The following APOD variants were observed in gnomAD, a reference collection of about 807,000 sequenced individuals.
APOD encodes apolipoprotein D, also known as apo-D.
A neutral mutation model predicts 20.4 loss-of-function variants in APOD; 22 were observed. The observed-to-expected ratio is 1.08, with a 90% CI of 0.77 to 1.54. The LOEUF is 1.54. Among genes scored for constraint, APOD ranks in the 40% most tolerant of loss-of-function variants. The pLI is 0.00. For synonymous variants in APOD, 97 were observed against 92.4 expected (o/e 1.05, Z -0.29); for missense variants, 223 against 229.6 (o/e 0.97, Z 0.19).
intron 1 of APOD, among the ~76,000 whole-genome samples, chr3:195,581,986 T>A (rs1375737014): frequency 1.3e-5 from 2 of 152,128 alleles, no homozygotes; most frequent in African/African-American, 4.8e-5. Flanking sequence ...CTGACCAACA[T>A]GGAGAAACCC....
intron 4 of APOD, among the ~76,000 whole-genome samples, chr3:195,569,863 G>T (rs199855590): frequency 7.3e-6 from 1 of 137,390 alleles, no homozygotes; most frequent in South Asian, 2.4e-4. Flanking sequence ...GCAATGGCGC[G>T]ATCTCAGCTC....
At chr3:195,578,719 G>A (rs995468372) in intron 2 of APOD, among the ~76,000 whole-genome samples, 1 of 152,206 alleles carries the variant, frequency 6.6e-6, no homozygotes, top group Non-Finnish European at 1.5e-5. Flanking sequence ...TGGGTGCCCT[G>A]CACTGCTGAG....
At chr3:195,580,337 CTTCT>C (rs1720313012) in intron 1 of APOD, among the ~76,000 whole-genome samples, 1 of 146,100 alleles carries the variant, frequency 6.8e-6, no homozygotes, top group African/African-American at 2.6e-5. Flanking sequence ...TCCCAGGTTT[CTTCT>C]TTCTTTTCTT....
intron 3 of APOD, among the ~76,000 whole-genome samples, chr3:195,572,837 C>A (rs774498371): frequency 1.3e-5 from 2 of 151,932 alleles, no homozygotes; most frequent in African/African-American, 4.8e-5. Flanking sequence ...ACAGTGAAAC[C>A]CCGTCTCTAC....
At chr3:195,574,740 A>C (rs147403437) in intron 2 of APOD, among the ~76,000 whole-genome samples, 135 of 152,356 alleles carry the variant, frequency 8.9e-4, no homozygotes, top group African/African-American at 2.4e-3. Context: ...GTTTGTAATA[A>C]TACAAGATAG....
At position 195,576,950 on chromosome 3, in the gene APOD, C is replaced by T. The variant is rs562115893; in HGVS notation, c.123+2389G>A. ...CTGTAATCCTAGCACTATGGGAGGC[C>T]GAGGCGGATGGATTGCCTGAGCTCA... On this transcript the variant is annotated intron_variant, in intron 2 of 4. Transcript: ENST00000343267. 5.3e-5 allele frequency: 9 copies of T among 168,560 alleles called. No individual in the cohort carries two copies. The East Asian group carries it at 5.6e-4, about 11-fold the overall frequency. 10.4% of individuals were successfully genotyped at this position (168,560 alleles called of 1,614,324 possible).
chr3:195,576,589 C>A (rs1467514084), intron 2 of APOD, among the ~76,000 whole-genome samples: 2 of 150,566 alleles, frequency 1.3e-5, no homozygotes, highest in Non-Finnish European at 3.0e-5. Flanking sequence ...GCGGGTGGAT[C>A]ACTTGAGGTC....
At chr3:195,581,343 G>C (rs920405488) in intron 1 of APOD, among the ~76,000 whole-genome samples, 19 of 152,096 alleles carry the variant, frequency 1.2e-4, no homozygotes, top group African/African-American at 4.6e-4. Flanking sequence ...TAACCTTTTG[G>C]GGGATGATGA....
intron 3 of APOD, among the ~76,000 whole-genome samples, chr3:195,573,203 G>A (rs1340347141): frequency 6.6e-6 from 1 of 152,194 alleles, no homozygotes; most frequent in Non-Finnish European, 1.5e-5. Flanking sequence ...CATGTTCATG[G>A]AAAAACTGCA....
At chr3:195,571,689 C>T (rs1384173299) in intron 3 of APOD, among the ~76,000 whole-genome samples, 2 of 152,102 alleles carry the variant, frequency 1.3e-5, no homozygotes, top group African/African-American at 2.4e-5. Flanking sequence ...CTTCTATGGC[C>T]TGAAAGACCA....
At chr3:195,574,109 G>A (rs1280706096) in intron 2 of APOD, 138 bp from the exon 3 acceptor site, 9 of 1,191,480 alleles carry the variant, frequency 7.6e-6, no homozygotes, top group Middle Eastern at 2.0e-4. Context: ...TGGCAACTGG[G>A]CAAGAGATTG....
chr3:195,569,634 C>T (rs1720123709), intron 4 of APOD, among the ~76,000 whole-genome samples: 1 of 152,082 alleles, frequency 6.6e-6, no homozygotes, highest in Non-Finnish European at 1.5e-5. Flanking sequence ...TCACATGTCT[C>T]TCCTTATTTG....
intron 2 of APOD, chr3:195,577,112 G>A (rs1415406778): frequency 4.3e-5 from 14 of 325,818 alleles, no homozygotes; most frequent in African/African-American, 1.1e-4. Context: ...GCTTGAACCC[G>A]GGAGGCGGAG....
intron 2 of APOD, among the ~76,000 whole-genome samples, chr3:195,577,602 TCAA>T (rs1230714831): frequency 1.3e-5 from 2 of 152,222 alleles, no homozygotes; most frequent in Non-Finnish European, 2.9e-5. Flanking sequence ...GCTATAGTAA[TCAA>T]CACTGTGTGG....
At position 195,573,868 on chromosome 3, in the gene APOD, A is replaced by G; in HGVS notation, c.227T>C (p.Val76Ala). 6.2e-7 allele frequency: 1 copy of G among 1,614,096 alleles called. No homozygotes were observed. The highest frequency in any genetic ancestry group is 8.5e-7 in the Non-Finnish European group (1 of 1,180,012). The change falls in exon 3 of 5, where the codon GTG (valine) becomes GCG (alanine). Residue 76 changes from valine (V) to alanine (A), a missense_variant. Transcript: ENST00000343267. Reference sequence around the variant, plus strand: ...CACTCACCTCAACTCCTGGTTTAACACTTTGATCTTTCCGTTTTCCATTAG... The same window carrying G: ...CACTCACCTCAACTCCTGGTTTAACGCTTTGATCTTTCCGTTTTCCATTAG... ...YSLMENGKIK[V>A]LNQELRADGT...
chr3:195,568,880 A>G lies in APOD; in HGVS notation c.*20T>C. 3.2e-6 allele frequency: 5 copies of G among 1,567,140 alleles called. No individual in the cohort carries two copies. The highest frequency in any genetic ancestry group is 3.5e-6 in the Non-Finnish European group (4 of 1,138,570). ...AGCAGAAGTAACATGGAGTGGGTGCAGCCTCCCTGTAGAACCTGGTTACGA... is the reference window on the plus strand; with the variant it reads ...AGCAGAAGTAACATGGAGTGGGTGCGGCCTCCCTGTAGAACCTGGTTACGA... On this transcript the variant is annotated 3_prime_UTR_variant, in exon 5 of 5. Transcript: ENST00000343267.
At chr3:195,581,753 T>G (rs1553788194) in intron 1 of APOD, among the ~76,000 whole-genome samples, 1 of 152,254 alleles carries the variant, frequency 6.6e-6, no homozygotes, top group Admixed American at 6.5e-5. Context: ...CATCTTACTC[T>G]GACAAAATGC....
chr3:195,576,033 G>A (rs928545492), intron 2 of APOD, among the ~76,000 whole-genome samples: 5 of 152,146 alleles, frequency 3.3e-5, no homozygotes, highest in Admixed American at 6.6e-5. Flanking sequence ...ACGGCTTTCC[G>A]CTCAAATGTA....
Position 195,572,980 on chromosome 3 carries a change from C to T in APOD, c.245+870G>A, listed in dbSNP as rs78486105. Among the ~76,000 whole-genome samples, 197 of 152,294 alleles carry T rather than the reference C, an allele frequency of 1.3e-3. 1 individual carries two copies. In the East Asian group the frequency reaches 0.029, roughly 22 times the overall value. Reference sequence around the variant, plus strand: ...AACTGTGCTCTGATGTTCCCAAGTACTTTCTCTGTTTATCACCATGTAAAG... The same window carrying T: ...AACTGTGCTCTGATGTTCCCAAGTATTTTCTCTGTTTATCACCATGTAAAG... On this transcript the variant is annotated intron_variant, in intron 3 of 4. Transcript: ENST00000343267.
Sources: allele counts gnomAD v4.1 joint callset (sites outside exome capture counted in the v4.1 genomes callset), GRCh38; gene constraint gnomAD v4.1.1; transcripts MANE v1.5; gene names NCBI Gene and HGNC (gene_info 2026-07-23, HGNC 2026-07-21).